Variants in PHETA1 observed in about 807,000 individuals in gnomAD.
PHETA1 encodes sesquipedalian-1.
For missense variants in PHETA1, 348 were observed against 373.5 expected, an observed-to-expected ratio of 0.93 and a Z score of 0.56; for synonymous variants, 155 against 168.9, an observed-to-expected ratio of 0.92 and a Z score of 0.64.
chr12:111,360,816 G>A lies in PHETA1; in HGVS notation c.*1862C>T, dbSNP rs1443688249. 2 of 152,630 alleles carry A rather than the reference G, an allele frequency of 1.3e-5. No individual in the cohort carries two copies. The highest frequency in any genetic ancestry group is 6.5e-5 in the Admixed American group (1 of 15,278). 9.5% of individuals were successfully genotyped at this position (152,630 alleles called of 1,614,324 possible). ...GACATCCCTCACCCCTCTCTCCCAG[G>A]AGACCAGGGCCAACGTACCTTGAGA... On this transcript the variant is annotated 3_prime_UTR_variant, in exon 3 of 3. Transcript: ENST00000683047.
Position 111,368,997 on chromosome 12 carries a change from G to GCGGCGA in PHETA1, c.-273_-268dup, listed in dbSNP as rs1869196544. The GCGGCGA allele has an allele frequency of 6.5e-6, 1 of 153,038 alleles. No individual in the cohort carries two copies. The highest frequency in any genetic ancestry group is 1.5e-5 in the Non-Finnish European group (1 of 68,482). The allele number at this position is 153,038 out of a possible 1,614,324, so 9.5% of individuals were successfully genotyped here. A position where few individuals can be genotyped will look rare whatever the true frequency, so the allele number is the denominator to read the frequency against. On this transcript the variant is annotated 5_prime_UTR_variant, in exon 1 of 3. Coordinates refer to ENST00000683047, the MANE Select transcript of PHETA1 (RefSeq NM_144671.6). This position sits in a 1 kb window ranked among gnomAD's most constrained non-coding sequence, Gnocchi z 5.0. ...GCCATGGTTCGGGACTGGCCCGGTG[G>GCGGCGA]CGGCGACGGCGGCGGCAGCGCTTTG...
At chr12:111,364,601 ATC>A (rs1868908588) in intron 2 of PHETA1, among the ~76,000 whole-genome samples, 1 of 151,924 alleles carries the variant, frequency 6.6e-6, no homozygotes, top group Non-Finnish European at 1.5e-5. Flanking sequence ...GCAAAACCCC[ATC>A]TCTACTAAAA....
rs149821358 is a variant in PHETA1, at chr12:111,363,089, G to A, written c.339C>T (p.Phe113=). 1.8e-4 allele frequency: 284 copies of A among 1,590,886 alleles called. No individual in the cohort carries two copies. In the Middle Eastern group the frequency reaches 8.2e-3, roughly 46 times the overall value. Residue 113 remains phenylalanine (F), a synonymous_variant, in exon 3 of 3, where the codon TTC becomes TTT. Transcript: ENST00000683047. This position sits in a 1 kb window ranked among gnomAD's most constrained non-coding sequence, Gnocchi z 7.4. ...CGCGCACCACCAGCCGCAGGTAGTCGAAGCTGGCACGCGACAGGGCCTTGA... is the reference window on the plus strand; with the variant it reads ...CGCGCACCACCAGCCGCAGGTAGTCAAAGCTGGCACGCGACAGGGCCTTGA... The part of the protein sequence containing the change: ...GWVKALSRAS[F]DYLRLVVREL...
chr12:111,363,680 C>T lies in PHETA1; in HGVS notation c.-36-217G>A. 5.9e-6 allele frequency: 9 copies of T among 1,531,712 alleles called. No homozygotes were observed. Among genetic ancestry groups the T allele is most frequent in the Non-Finnish European group, 7.9e-6 (9 of 1,144,680 alleles). The allele number at this position is 1,531,712 out of a possible 1,614,324, so 94.9% of individuals were successfully genotyped here. On this transcript the variant is annotated intron_variant, in intron 2 of 2. Coordinates refer to ENST00000683047, the MANE Select transcript of PHETA1 (RefSeq NM_144671.6). This position sits in a 1 kb window ranked among gnomAD's most constrained non-coding sequence, Gnocchi z 7.4. ...CGGGCCTCCCCAGACAGCCTCATAA[C>T]CTCCTACCCTCCTGTATCCCTGAAA...
rs1868668692 is a variant in PHETA1, at chr12:111,362,460, C to G, written c.*218G>C. The G allele has an allele frequency of 1.6e-6, 2 of 1,261,910 alleles. No individual in the cohort carries two copies. Among genetic ancestry groups the G allele is most frequent in the African/African-American group, 3.0e-5 (2 of 66,110 alleles). The allele number at this position is 1,261,910 out of a possible 1,614,324, so 78.2% of individuals were successfully genotyped here. On this transcript the variant is annotated 3_prime_UTR_variant, in exon 3 of 3. Transcript: ENST00000683047. Reference sequence around the variant, plus strand: ...CCTTAGTGTTGCACGTGACGTTCCCCTCAAGGGTAGGCCTTCTGGGTCACA... The same window carrying G: ...CCTTAGTGTTGCACGTGACGTTCCCGTCAAGGGTAGGCCTTCTGGGTCACA...
chr12:111,368,473 C>T lies in PHETA1; in HGVS notation c.-182+439G>A, dbSNP rs548429896. On this transcript the variant is annotated intron_variant, in intron 1 of 2. Transcript: ENST00000683047. This position sits in a 1 kb window ranked among gnomAD's most constrained non-coding sequence, Gnocchi z 5.0. The stretch of plus-strand genomic sequence containing the variant: ...CAAGAACACTAAAGAGCAGCCTGGC[C>T]GTCACCGCCCCAGCAGGGACCCCAG... 6.6e-6 allele frequency among the ~76,000 whole-genome samples: 1 copy of T among 152,314 alleles called. No individual in the cohort carries two copies. The highest frequency in any genetic ancestry group is 1.9e-4 in the East Asian group (1 of 5,182).
chr12:111,362,558 C>T lies in PHETA1; in HGVS notation c.*120G>A. The T allele has an allele frequency of 6.5e-7, 1 of 1,536,380 alleles. No homozygotes were observed. On this transcript the variant is annotated 3_prime_UTR_variant, in exon 3 of 3. Coordinates refer to ENST00000683047, the MANE Select transcript of PHETA1 (RefSeq NM_144671.6). ...TCCCCCAAAACCAGGCCACTCAGGG[C>T]CTGGGGGCCAGCCTTGCCCATGATT...
chr12:111,363,364 C>T lies in PHETA1; in HGVS notation c.64G>A (p.Gly22Ser). ...ATCDAPVDNA[G>S]FLYKKGGRHA... ...CGCCCACCCTTCTTGTACAGGAAGC[C>T]TGCATTGTCCACCGGGGCGTCACAG... is the stretch of plus-strand genomic sequence containing the variant. Residue 22 changes from glycine to serine, a missense_variant, in exon 3 of 3, where the codon GGC (glycine) becomes AGC (serine). Coordinates refer to ENST00000683047, the MANE Select transcript of PHETA1 (RefSeq NM_144671.6). The surrounding 1 kb of genome is among the most constrained non-coding windows in gnomAD (Gnocchi z 7.4). The T allele has an allele frequency of 6.2e-7, 1 of 1,613,156 alleles. No homozygotes were observed. The highest frequency in any genetic ancestry group is 8.5e-7 in the Non-Finnish European group (1 of 1,179,958).
rs1038440173 is a variant in PHETA1, at chr12:111,367,428, C to T, written c.-181-1171G>A. Reference sequence around the variant, plus strand: ...TTCATTCTGCAGTATCTTCTGAAACCTTTCAACAGCCCCAAGACAAGGGAT... The same window carrying T: ...TTCATTCTGCAGTATCTTCTGAAACTTTTCAACAGCCCCAAGACAAGGGAT... On this transcript the variant is annotated intron_variant, in intron 1 of 2. Transcript: ENST00000683047. This position sits in a 1 kb window ranked among gnomAD's most constrained non-coding sequence, Gnocchi z 4.0. Among the ~76,000 whole-genome samples, 13 of 152,186 alleles carry T rather than the reference C, an allele frequency of 8.5e-5. No individual in the cohort carries two copies. Among genetic ancestry groups the T allele is most frequent in the African/African-American group, 3.1e-4 (13 of 41,440 alleles).
At position 111,363,474 on chromosome 12, in the gene PHETA1, T is replaced by C. The variant is rs78981298; in HGVS notation, c.-36-11A>G. 1,055 of 1,587,548 alleles carry C rather than the reference T, an allele frequency of 6.6e-4. 8 individuals are homozygous for C. In the East Asian group the frequency reaches 0.019, roughly 28 times the overall value. On this transcript the variant is annotated splice_polypyrimidine_tract_variant and intron_variant, in intron 2 of 2. Transcript: ENST00000683047. This position sits in a 1 kb window ranked among gnomAD's most constrained non-coding sequence, Gnocchi z 7.4. ...AGGGGAGCCTGGGGCCTGGACCCCA[T>C]AGAAGGGCTGTTATGCACAAGGCCA...
Position 111,363,727 on chromosome 12 carries a change from C to A in PHETA1, c.-36-264G>T, listed in dbSNP as rs1053556229. The A allele has an allele frequency of 1.3e-6, 2 of 1,503,870 alleles. No homozygotes were observed. Among genetic ancestry groups the A allele is most frequent in the Non-Finnish European group, 1.8e-6 (2 of 1,126,754 alleles). The allele number at this position is 1,503,870 out of a possible 1,614,324, so 93.2% of individuals were successfully genotyped here. ...GAAATAATGTTGTGAGTTCCTGCTGCATGCCAGACATTTCAGAGGAATGAA... is the reference window on the plus strand; with the variant it reads ...GAAATAATGTTGTGAGTTCCTGCTGAATGCCAGACATTTCAGAGGAATGAA... On this transcript the variant is annotated intron_variant, in intron 2 of 2. Coordinates refer to ENST00000683047, the MANE Select transcript of PHETA1 (RefSeq NM_144671.6). This position sits in a 1 kb window ranked among gnomAD's most constrained non-coding sequence, Gnocchi z 7.4.
Position 111,362,457 on chromosome 12 carries a change from C to T in PHETA1, c.*221G>A. ...TCTCCTTAGTGTTGCACGTGACGTT[C>T]CCCTCAAGGGTAGGCCTTCTGGGTC... is the stretch of plus-strand genomic sequence containing the variant. On this transcript the variant is annotated 3_prime_UTR_variant, in exon 3 of 3. Transcript: ENST00000683047. 1 of 1,197,526 alleles carries T rather than the reference C, an allele frequency of 8.4e-7. No individual in the cohort carries two copies. Among genetic ancestry groups the T allele is most frequent in the South Asian group, 1.6e-5 (1 of 62,394 alleles). 74.2% of individuals were successfully genotyped at this position (1,197,526 alleles called of 1,614,324 possible).
intron 1 of PHETA1, among the ~76,000 whole-genome samples, chr12:111,366,696 A>G (rs1433060882): frequency 1.3e-5 from 2 of 152,002 alleles, no homozygotes; most frequent in African/African-American, 4.8e-5. Context: ...CTTCCCACAG[A>G]TGGATCCTGT....
In PHETA1 at chr12:111,368,856, C is replaced by G. The variant is rs1869184734; in HGVS notation, c.-182+56G>C. On this transcript the variant is annotated intron_variant, in intron 1 of 2. Coordinates refer to ENST00000683047, the MANE Select transcript of PHETA1 (RefSeq NM_144671.6). The surrounding 1 kb of genome is among the most constrained non-coding windows in gnomAD (Gnocchi z 5.0). Reference sequence around the variant, plus strand: ...GGCCGGGGGACCCCGAGGCCCAGGGCGGCCCGACCCGGGTCCCATGTCCTC... The same window carrying G: ...GGCCGGGGGACCCCGAGGCCCAGGGGGGCCCGACCCGGGTCCCATGTCCTC... The G allele has an allele frequency of 6.6e-6, 1 of 152,308 alleles. No individual in the cohort carries two copies. The highest frequency in any genetic ancestry group is 2.4e-5 in the African/African-American group (1 of 41,470). 9.4% of individuals were successfully genotyped at this position (152,308 alleles called of 1,614,324 possible). A position where few individuals can be genotyped will look rare whatever the true frequency, so the allele number is the denominator to read the frequency against.
chr12:111,369,059 G>A lies in PHETA1; in HGVS notation c.-329C>T, dbSNP rs879737124. The stretch of plus-strand genomic sequence containing the variant: ...GCCGGGCCGGCGCAGCCGCGGGAGA[G>A]CGCGGATCCGACGGAAGGAGGCGGG... On this transcript the variant is annotated 5_prime_UTR_variant, in exon 1 of 3. Coordinates refer to ENST00000683047, the MANE Select transcript of PHETA1 (RefSeq NM_144671.6). 1 of 153,086 alleles carries A rather than the reference G, an allele frequency of 6.5e-6. No individual in the cohort carries two copies. Among genetic ancestry groups the A allele is most frequent in the African/African-American group, 2.4e-5 (1 of 41,448 alleles). 9.5% of individuals were successfully genotyped at this position (153,086 alleles called of 1,614,324 possible).
chr12:111,364,226 A>G (rs1470749911), intron 2 of PHETA1, among the ~76,000 whole-genome samples: 3 of 152,050 alleles, frequency 2.0e-5, no homozygotes, highest in African/African-American at 7.2e-5. Flanking sequence ...GGGCGCCTGT[A>G]ATCCCAGCTA....
rs546687778 is a variant in PHETA1, at chr12:111,367,657, T to G, written c.-182+1255A>C. On this transcript the variant is annotated intron_variant, in intron 1 of 2. Transcript: ENST00000683047. The surrounding 1 kb of genome is among the most constrained non-coding windows in gnomAD (Gnocchi z 4.0). ...AACCCTCCTCCCCCGACTGCCTAGA[T>G]AGAGGCCAAACTGGTTCAAGGTCAC... 6.6e-6 allele frequency among the ~76,000 whole-genome samples: 1 copy of G among 152,196 alleles called. No homozygotes were observed. The highest frequency in any genetic ancestry group is 1.5e-5 in the Non-Finnish European group (1 of 68,026).
At position 111,363,457 on chromosome 12, in the gene PHETA1, C is replaced by G. The variant is rs1012657996; in HGVS notation, c.-30G>C. On this transcript the variant is annotated 5_prime_UTR_variant, in exon 3 of 3. Coordinates refer to ENST00000683047, the MANE Select transcript of PHETA1 (RefSeq NM_144671.6). The surrounding 1 kb of genome is among the most constrained non-coding windows in gnomAD (Gnocchi z 7.4). ...GCAATCGCGGGGCCTGGAGGGGAGC[C>G]TGGGGCCTGGACCCCATAGAAGGGC... 14 of 1,598,266 alleles carry G rather than the reference C, an allele frequency of 8.8e-6. No homozygotes were observed. The highest frequency in any genetic ancestry group is 1.0e-5 in the Non-Finnish European group (12 of 1,171,430).
At position 111,361,899 on chromosome 12, in the gene PHETA1, C is replaced by T. The variant is rs1430377250; in HGVS notation, c.*779G>A. The T allele has an allele frequency of 6.6e-6, 3 of 456,114 alleles. No homozygotes were observed. Among genetic ancestry groups the T allele is most frequent in the Non-Finnish European group, 1.3e-5 (3 of 226,880 alleles). The allele number at this position is 456,114 out of a possible 1,614,324, so 28.3% of individuals were successfully genotyped here. A position where few individuals can be genotyped will look rare whatever the true frequency, so the allele number is the denominator to read the frequency against. On this transcript the variant is annotated 3_prime_UTR_variant, in exon 3 of 3. Transcript: ENST00000683047. ...GCCTAGGGGCCAAGACTGAAGGATGCAGTCAAGGAGTGTCTGGAGAGCCCT... is the reference window on the plus strand; with the variant it reads ...GCCTAGGGGCCAAGACTGAAGGATGTAGTCAAGGAGTGTCTGGAGAGCCCT...
Sources: allele counts gnomAD v4.1 joint callset (sites outside exome capture counted in the v4.1 genomes callset), GRCh38; gene constraint gnomAD v4.1.1; non-coding constraint Gnocchi (gnomAD v3.1); transcripts MANE v1.5; gene names NCBI Gene and HGNC (gene_info 2026-07-23, HGNC 2026-07-21).